PPARGC1B: variants seen among roughly 807,000 people sequenced by gnomAD.
The protein encoded by PPARGC1B is peroxisome proliferator-activated receptor gamma coactivator 1-beta.
PPARGC1B carries 34 observed loss-of-function variants against 101.6 expected under a neutral mutation model. The observed-to-expected ratio is 0.33, with a 90% CI of 0.25 to 0.45. PPARGC1B has a LOEUF of 0.45. Among genes scored for constraint, PPARGC1B ranks in the 20% least tolerant of loss-of-function variants. PPARGC1B has a pLI of 1.00. For missense variants in PPARGC1B, 1,234 were observed against 1,317.6 expected, an observed-to-expected ratio of 0.94 and a Z score of 0.98; for synonymous variants, 548 against 539.3, an observed-to-expected ratio of 1.02 and a Z score of -0.22.
chr5:149,818,106 T>C lies in PPARGC1B; in HGVS notation c.79-2327T>C, dbSNP rs992391880. Among the ~76,000 whole-genome samples, 4 of 152,096 alleles carry C rather than the reference T, an allele frequency of 2.6e-5. No individual in the cohort carries two copies. In the East Asian group the frequency reaches 7.7e-4, roughly 29 times the overall value. On this transcript the variant is annotated intron_variant, in intron 1 of 11. Coordinates refer to ENST00000309241, the MANE Select transcript of PPARGC1B (RefSeq NM_133263.4). Reference sequence around the variant, plus strand: ...GCCACTGAGTGCTGGTGATTTGTAGTTGGGGGGCATGACAGTTGGGCTTGT... The same window carrying C: ...GCCACTGAGTGCTGGTGATTTGTAGCTGGGGGGCATGACAGTTGGGCTTGT...
intron 1 of PPARGC1B, among the ~76,000 whole-genome samples, chr5:149,811,517 C>T (rs1757865506): frequency 6.6e-6 from 1 of 152,142 alleles, no homozygotes; most frequent in Non-Finnish European, 1.5e-5. Context: ...TGGGAAGAAA[C>T]AGCTGAATCT....
intron 1 of PPARGC1B, among the ~76,000 whole-genome samples, chr5:149,735,069 A>G (rs1232835712): frequency 2.6e-5 from 4 of 152,216 alleles, no homozygotes; most frequent in Admixed American, 6.5e-5. Flanking sequence ...GGACAAATGT[A>G]TAGTGTGTGG....
chr5:149,833,771 T>G lies in PPARGC1B; in HGVS notation c.1698T>G (p.Pro566=). ...AGGACCCCAGCTGCCCGCAGCTCCC[T>G]CCCAGAGGTAGTCAGAGTTGGTGGT... is the stretch of plus-strand genomic sequence containing the variant. ...MDEDPSCPQL[P]PRDSPRCLML... Residue 566 remains proline, a synonymous_variant, in exon 5 of 12, where the codon CCT becomes CCG. Transcript: ENST00000309241. The surrounding 1 kb of genome is among the most constrained non-coding windows in gnomAD (Gnocchi z 4.1). 6.6e-7 allele frequency: 1 copy of G among 1,521,724 alleles called. No individual in the cohort carries two copies. The highest frequency in any genetic ancestry group is 1.4e-5 in the African/African-American group (1 of 73,220). 94.3% of individuals were successfully genotyped at this position (1,521,724 alleles called of 1,614,324 possible). A position where few individuals can be genotyped will look rare whatever the true frequency, so the allele number is the denominator to read the frequency against.
chr5:149,784,467 C>T (rs1470373951), intron 1 of PPARGC1B, among the ~76,000 whole-genome samples: 1 of 151,870 alleles, frequency 6.6e-6, no homozygotes, highest in Non-Finnish European at 1.5e-5. Flanking sequence ...GCCACCCTTA[C>T]CATGGCCTAG....
chr5:149,734,788 C>T (rs1347612471), intron 1 of PPARGC1B, among the ~76,000 whole-genome samples: 2 of 152,106 alleles, frequency 1.3e-5, no homozygotes, highest in African/African-American at 4.8e-5. Flanking sequence ...CCAGTCTGTT[C>T]GTCAATAAAT....
intron 1 of PPARGC1B, among the ~76,000 whole-genome samples, chr5:149,741,895 G>A (rs1383183590): frequency 6.6e-6 from 1 of 152,162 alleles, no homozygotes; most frequent in Non-Finnish European, 1.5e-5. Context: ...CTCCCAAAGT[G>A]CTGGGATTAC....
At chr5:149,775,561 G>A (rs558310902) in intron 1 of PPARGC1B, among the ~76,000 whole-genome samples, 2 of 152,292 alleles carry the variant, frequency 1.3e-5, no homozygotes, top group Admixed American at 6.5e-5. Flanking sequence ...AGCTCCAAGA[G>A]GCCTCAGAAT....
At chr5:149,769,483 G>T (rs1349886861) in intron 1 of PPARGC1B, among the ~76,000 whole-genome samples, 1 of 152,170 alleles carries the variant, frequency 6.6e-6, no homozygotes, top group African/African-American at 2.4e-5. Flanking sequence ...ATCCAGGAGG[G>T]GAAGTGCTTC....
In PPARGC1B at chr5:149,832,996, C is replaced by T. The variant is rs1449846404; in HGVS notation, c.923C>T (p.Thr308Ile). The change falls in exon 5 of 12, where the codon ACC becomes ATC. Residue 308 changes from threonine (T) to isoleucine (I), a missense_variant. Transcript: ENST00000309241. The surrounding 1 kb of genome is among the most constrained non-coding windows in gnomAD (Gnocchi z 4.9). ...CLPQRKLPPQ[T>I]PEPLPKACSN... ...CCCCAGAGGAAGCTGCCCCCACAGACCCCTGAGCCACTCCCCAAGGCCTGC... is the reference window on the plus strand; with the variant it reads ...CCCCAGAGGAAGCTGCCCCCACAGATCCCTGAGCCACTCCCCAAGGCCTGC... 1.2e-6 allele frequency: 2 copies of T among 1,613,606 alleles called. No individual in the cohort carries two copies. The highest frequency in any genetic ancestry group is 2.2e-5 in the South Asian group (2 of 91,080).
intron 1 of PPARGC1B, among the ~76,000 whole-genome samples, chr5:149,812,560 C>G (rs945449429): frequency 6.6e-6 from 1 of 152,216 alleles, no homozygotes; most frequent in African/African-American, 2.4e-5. Context: ...CAGGGAATGC[C>G]TGCCTTCAGG....
intron 2 of PPARGC1B, among the ~76,000 whole-genome samples, chr5:149,823,240 T>G (rs1234712648): frequency 6.6e-6 from 1 of 152,152 alleles, no homozygotes; most frequent in Admixed American, 6.5e-5. Context: ...ATGTGAGGAA[T>G]GAGGAAGGGG....
intron 1 of PPARGC1B, among the ~76,000 whole-genome samples, chr5:149,791,723 C>G (rs961583010): frequency 6.6e-6 from 1 of 152,184 alleles, no homozygotes; most frequent in Non-Finnish European, 1.5e-5. Context: ...TGCACAAAAG[C>G]TCCTTGAGTA....
intron 3 of PPARGC1B, among the ~76,000 whole-genome samples, chr5:149,828,421 A>G (rs999823613): frequency 6.6e-6 from 1 of 152,250 alleles, no homozygotes; most frequent in Non-Finnish European, 1.5e-5. Flanking sequence ...GTCAAAGGCT[A>G]TTAGGAGGAT....
rs140400331 is a variant in PPARGC1B, at chr5:149,854,330, GGT to G, written c.*6785_*6786del. The G allele has an allele frequency of 1.3e-5, 2 of 151,336 alleles. No individual in the cohort carries two copies. The highest frequency in any genetic ancestry group is 2.1e-4 in the South Asian group (1 of 4,778). The allele number at this position is 151,336 out of a possible 1,614,324, so 9.4% of individuals were successfully genotyped here. A position where few individuals can be genotyped will look rare whatever the true frequency, so the allele number is the denominator to read the frequency against. ...AGTGTAAGGCTGTGTTTGTGGTGGG[GGT>G]GTGTGTGTGTGTATCTGTGCACACA... On this transcript the variant is annotated 3_prime_UTR_variant, in exon 12 of 12. Transcript: ENST00000309241.
chr5:149,830,055 G>GAAAAAAAAAAA (rs71587791), intron 3 of PPARGC1B, among the ~76,000 whole-genome samples: 1 of 89,814 alleles, frequency 1.1e-5, no homozygotes, highest in Non-Finnish European at 2.1e-5. Context: ...AAAAAAAAAA[G>GAAAAAAAAAAA]AAAAAAAAAA....
intron 1 of PPARGC1B, among the ~76,000 whole-genome samples, chr5:149,804,839 GGAA>G (rs1450985125): frequency 2.0e-5 from 3 of 152,228 alleles, no homozygotes; most frequent in African/African-American, 7.2e-5. Context: ...TCCATGGGAA[GGAA>G]GAAGGCCACC....
At chr5:149,819,917 A>G (rs1434690225) in intron 1 of PPARGC1B, among the ~76,000 whole-genome samples, 2 of 152,242 alleles carry the variant, frequency 1.3e-5, no homozygotes, top group Admixed American at 1.3e-4. Flanking sequence ...ATATTACATC[A>G]TATATGTAAT....
chr5:149,823,887 G>A (rs1047048550), intron 2 of PPARGC1B, among the ~76,000 whole-genome samples: 33 of 152,220 alleles, frequency 2.2e-4, no homozygotes, highest in Admixed American at 2.0e-3. Flanking sequence ...CACTCAGTAA[G>A]TCAGTGTTGG....
At chr5:149,791,827 G>A (rs1052442949) in intron 1 of PPARGC1B, among the ~76,000 whole-genome samples, 2 of 152,094 alleles carry the variant, frequency 1.3e-5, no homozygotes, top group Admixed American at 6.6e-5. Context: ...AGATAATGAG[G>A]GCAGTATCTC....
Sources: allele counts gnomAD v4.1 joint callset (sites outside exome capture counted in the v4.1 genomes callset), GRCh38; gene constraint gnomAD v4.1.1; non-coding constraint Gnocchi (gnomAD v3.1); transcripts MANE v1.5; gene names NCBI Gene and HGNC (gene_info 2026-07-23, HGNC 2026-07-21).